ERBIN: variants seen among roughly 807,000 people sequenced by gnomAD.
The protein encoded by ERBIN is densin-180-like protein.
ERBIN carries 60 observed loss-of-function variants against 158.4 expected under a neutral mutation model. The ratio of observed to expected loss-of-function variants is 0.38; its 90% CI spans 0.31 to 0.47. The LOEUF (loss-of-function observed/expected upper bound fraction) is 0.47. Among genes scored for constraint, ERBIN ranks in the 20% least tolerant of loss-of-function variants. The pLI, the probability that ERBIN is intolerant of heterozygous loss-of-function variation, is 0.99. For missense variants in ERBIN, 1,610 were observed against 1,648.0 expected (o/e 0.98, Z 0.40); for synonymous variants, 594 against 557.2 (o/e 1.07, Z -0.93).
At chr5:65,995,373 ATTTT>A (rs35797173) in intron 4 of ERBIN, among the ~76,000 whole-genome samples, 5,975 of 144,654 alleles carry the variant, frequency 0.041, 402 homozygotes, top group African/African-American at 0.14. Flanking sequence ...CTTATGTGGT[ATTTT>A]TTTTTTTTTT....
chr5:65,950,247 C>T (rs1035059707), intron 1 of ERBIN, among the ~76,000 whole-genome samples: 35 of 152,162 alleles, frequency 2.3e-4, no homozygotes, highest in African/African-American at 8.4e-4. Context: ...CCTCGTGATC[C>T]CCCTGCCTTG....
At position 65,927,556 on chromosome 5, in the gene ERBIN, A is replaced by G. The variant is rs967039142; in HGVS notation, c.-58+750A>G. Reference sequence around the variant, plus strand: ...TAGGGAGAGATAATTAAACAACATTAACAACCTGTAAGACGTTTAATAGGA... The same window carrying G: ...TAGGGAGAGATAATTAAACAACATTGACAACCTGTAAGACGTTTAATAGGA... On this transcript the variant is annotated intron_variant, in intron 1 of 25. Coordinates refer to ENST00000284037, the MANE Select transcript of ERBIN (RefSeq NM_001253697.2). 3.3e-5 allele frequency among the ~76,000 whole-genome samples: 5 copies of G among 152,240 alleles called. No homozygotes were observed. In the East Asian group the frequency reaches 9.6e-4, roughly 29 times the overall value.
At chr5:65,950,207 G>A (rs887315175) in intron 1 of ERBIN, among the ~76,000 whole-genome samples, 1 of 151,366 alleles carries the variant, frequency 6.6e-6, no homozygotes, top group Non-Finnish European at 1.5e-5. Context: ...GGATTTCACC[G>A]TGTTAGCCAG....
chr5:65,958,488 G>A (rs1580158417), intron 1 of ERBIN, among the ~76,000 whole-genome samples: 1 of 152,238 alleles, frequency 6.6e-6, no homozygotes, highest in East Asian at 1.9e-4. Flanking sequence ...AGGCGGGGCG[G>A]TGCGCGCCTG....
chr5:66,044,420 C>G, intron 17 of ERBIN, 110 bp downstream of exon 17: 4 of 996,024 alleles, frequency 4.0e-6, no homozygotes, highest in Non-Finnish European at 5.8e-6. Context: ...TCATGCACCA[C>G]AGAATGATAT....
chr5:66,012,155 CT>C (rs1282133602), intron 5 of ERBIN, 28 bp downstream of exon 5: 1 of 1,438,042 alleles, frequency 7.0e-7, no homozygotes, highest in Admixed American at 2.1e-5. Flanking sequence ...TTATAAATTA[CT>C]TTTGTGAATA....
At chr5:65,928,807 G>A (rs960933567) in intron 1 of ERBIN, among the ~76,000 whole-genome samples, 2 of 152,106 alleles carry the variant, frequency 1.3e-5, no homozygotes, top group Non-Finnish European at 2.9e-5. Context: ...GAAACTATAA[G>A]TATTTTCGAA....
At chr5:66,059,278 T>A (rs1428379338) in intron 21 of ERBIN, among the ~76,000 whole-genome samples, 1 of 152,180 alleles carries the variant, frequency 6.6e-6, no homozygotes, top group Non-Finnish European at 1.5e-5. Context: ...GATTCCTAGG[T>A]GTTTTATTCT....
At position 65,998,885 on chromosome 5, in the gene ERBIN, A is replaced by AC. The variant is rs1752724429; in HGVS notation, c.307+4024dup. Among the ~76,000 whole-genome samples, 5 of 121,036 alleles carry AC rather than the reference A, an allele frequency of 4.1e-5. No individual in the cohort carries two copies. In the South Asian group the frequency reaches 1.5e-3, roughly 36 times the overall value. The allele number at this position is 121,036 out of a possible 152,430, so 79.4% of individuals were successfully genotyped here. ...ACTCCAGCCTGGAAAATAGAGCAAG[A>AC]CCCTGTCTCAAAAAAAAAAAAAAAA... On this transcript the variant is annotated intron_variant, in intron 4 of 25. Transcript: ENST00000284037.
At chr5:65,934,113 G>T (rs1743783525) in intron 1 of ERBIN, among the ~76,000 whole-genome samples, 1 of 152,124 alleles carries the variant, frequency 6.6e-6, no homozygotes, top group African/African-American at 2.4e-5. Context: ...AGCCAGGGTG[G>T]TCTTGATCTC....
intron 18 of ERBIN, among the ~76,000 whole-genome samples, chr5:66,047,305 C>G (rs1470419516): frequency 2.6e-5 from 4 of 152,076 alleles, no homozygotes; most frequent in African/African-American, 9.7e-5. Flanking sequence ...TATATCAACA[C>G]AGCATCCATT....
intron 1 of ERBIN, among the ~76,000 whole-genome samples, chr5:65,982,044 A>G (rs565996979): frequency 6.6e-6 from 1 of 152,326 alleles, no homozygotes; most frequent in East Asian, 1.9e-4. Context: ...ATTTTACCCT[A>G]TTTACAAGCT....
intron 1 of ERBIN, among the ~76,000 whole-genome samples, chr5:65,967,634 C>G (rs1420123559): frequency 1.3e-5 from 2 of 152,156 alleles, no homozygotes; most frequent in African/African-American, 4.8e-5. Flanking sequence ...ATGAAATTGC[C>G]AAACAGTGCA....
chr5:65,963,197 A>T (rs142629717), intron 1 of ERBIN, among the ~76,000 whole-genome samples: 1,687 of 152,326 alleles, frequency 0.011, 35 homozygotes, highest in African/African-American at 0.037. Context: ...AATAAAGGTG[A>T]ATAAATTACT....
chr5:66,046,053 T>G (rs1758409365), intron 17 of ERBIN, among the ~76,000 whole-genome samples: 2 of 151,872 alleles, frequency 1.3e-5, no homozygotes, highest in South Asian at 4.2e-4. Flanking sequence ...CCATCCGGAG[T>G]TGAGTTTGCT....
At chr5:66,014,547 T>A in intron 6 of ERBIN, 122 bp from the exon 7 acceptor site, 3 of 508,976 alleles carry the variant, frequency 5.9e-6, no homozygotes, top group Middle Eastern at 5.3e-4. Flanking sequence ...ATTTTTAATA[T>A]ATTACTTTGC....
chr5:65,996,842 C>G (rs1752494960), intron 4 of ERBIN, among the ~76,000 whole-genome samples: 1 of 151,820 alleles, frequency 6.6e-6, no homozygotes, highest in Non-Finnish European at 1.5e-5. Flanking sequence ...TGTCTTTTAC[C>G]TCTTTAGTTA....
At chr5:65,977,204 C>G (rs1356637356) in intron 1 of ERBIN, among the ~76,000 whole-genome samples, 2 of 145,926 alleles carry the variant, frequency 1.4e-5, no homozygotes, top group South Asian at 2.1e-4. Context: ...GCTGACCCCC[C>G]CCCACCTCCC....
intron 4 of ERBIN, among the ~76,000 whole-genome samples, chr5:66,006,075 G>A (rs552863829): frequency 2.0e-5 from 3 of 152,176 alleles, no homozygotes; most frequent in African/African-American, 4.8e-5. Context: ...AAAAGAGCCC[G>A]CATCGCCAAG....
Sources: gnomAD v4.1 joint callset for allele counts (sites outside exome capture counted in the v4.1 genomes callset) on GRCh38, gnomAD v4.1.1 for gene constraint, MANE v1.5 for transcripts, NCBI Gene and HGNC (gene_info 2026-07-23, HGNC 2026-07-21) for gene names.